Variants in SNX13 observed in about 807,000 individuals in gnomAD.
SNX13 encodes sorting nexin 13, also known as sorting nexin-13.
In SNX13, 45 loss-of-function variants were observed where a neutral mutation model predicts 133.6. The observed-to-expected ratio is 0.34, with a 90% CI of 0.27 to 0.43. The LOEUF (loss-of-function observed/expected upper bound fraction) is 0.43, where lower values mean the gene tolerates loss of function less well. SNX13 is among the 20% of genes least tolerant of loss of function. The pLI is 1.00. For synonymous variants in SNX13, 414 were observed against 373.9 expected (o/e 1.11, Z -1.24); for missense variants, 1,032 against 1,145.1 (o/e 0.90, Z 1.43).
In SNX13 at chr7:17,834,803, A is replaced by G; in HGVS notation, c.1422T>C (p.His474=). The change falls in exon 14 of 26, where the codon CAT becomes CAC. Residue 474 remains histidine, a synonymous_variant. Coordinates refer to ENST00000428135, the MANE Select transcript of SNX13 (RefSeq NM_015132.5). ...LVAKLADTLN[H]EDPTPEIFDD... ...CAAAGATTTCAGGGGTTGGATCTTC[A>G]TGATTCAAAGTATCTGCTAATTTTG... is the stretch of plus-strand genomic sequence containing the variant. 1 of 1,610,166 alleles carries G rather than the reference A, an allele frequency of 6.2e-7. No individual in the cohort carries two copies.
At chr7:17,845,511 A>G (rs930159582) in intron 12 of SNX13, 84 bp downstream of exon 12, 1 of 816,012 alleles carries the variant, frequency 1.2e-6, no homozygotes, top group Non-Finnish European at 1.9e-6. Flanking sequence ...TAGTTGAGAT[A>G]CTAAATTTTA....
At chr7:17,850,759 TAATC>T (rs1265116009) in intron 10 of SNX13, 63 bp downstream of exon 10, 3 of 1,255,304 alleles carry the variant, frequency 2.4e-6, no homozygotes, top group Non-Finnish European at 3.2e-6. Context: ...TTAGGTAAAT[TAATC>T]AAAGTTTTGA....
chr7:17,915,634 T>C (rs1156347175), intron 1 of SNX13, among the ~76,000 whole-genome samples: 2 of 152,080 alleles, frequency 1.3e-5, no homozygotes, highest in African/African-American at 4.8e-5. Context: ...TGTCTGTCTC[T>C]CTCTCTCGTC....
intron 20 of SNX13, among the ~76,000 whole-genome samples, chr7:17,813,055 T>A (rs966805536): frequency 6.6e-6 from 1 of 152,092 alleles, no homozygotes; most frequent in African/African-American, 2.4e-5. Flanking sequence ...CCATGGCACA[T>A]GTATACCTAT....
At chr7:17,831,794 T>C in intron 15 of SNX13, 1 of 982,956 alleles carries the variant, frequency 1.0e-6, no homozygotes, top group South Asian at 4.7e-5. Context: ...ACAAAAAAAG[T>C]GGAAAGGCCT....
chr7:17,899,014 C>T (rs563385147), intron 1 of SNX13: 1 of 152,302 alleles, frequency 6.6e-6, no homozygotes, highest in South Asian at 2.1e-4. Flanking sequence ...CAGAAGTGTC[C>T]TCTGACTTCC....
At chr7:17,859,225 G>A (rs1358256289) in intron 9 of SNX13, among the ~76,000 whole-genome samples, 2 of 151,840 alleles carry the variant, frequency 1.3e-5, no homozygotes, top group African/African-American at 2.4e-5. Flanking sequence ...TAGAATATAC[G>A]AAGCATTCTT....
intron 2 of SNX13, among the ~76,000 whole-genome samples, chr7:17,896,795 C>G (rs1797260495): frequency 2.0e-5 from 3 of 152,042 alleles, no homozygotes; most frequent in South Asian, 4.1e-4. Flanking sequence ...ATGACTGAAA[C>G]CTCTCTTGTA....
chr7:17,805,116 T>C (rs1047061632), intron 20 of SNX13, among the ~76,000 whole-genome samples: 2 of 151,472 alleles, frequency 1.3e-5, no homozygotes, highest in Non-Finnish European at 2.9e-5. Flanking sequence ...GAACAGAAAC[T>C]GGCTTGAATA....
Position 17,794,018 on chromosome 7 carries a change from T to C in SNX13, c.*27A>G. The C allele has an allele frequency of 6.2e-7, 1 of 1,606,242 alleles. No individual in the cohort carries two copies. Among genetic ancestry groups the C allele is most frequent in the African/African-American group, 1.3e-5 (1 of 74,656 alleles). ...TCCATACCATTAGTCCTGGACAAAA[T>C]GAACACCAGCTTCATAGAGTGGAGT... On this transcript the variant is annotated 3_prime_UTR_variant, in exon 26 of 26. Transcript: ENST00000428135.
intron 1 of SNX13, among the ~76,000 whole-genome samples, chr7:17,909,403 A>G (rs1026790988): frequency 6.6e-6 from 1 of 152,244 alleles, no homozygotes; most frequent in Non-Finnish European, 1.5e-5. Context: ...ATGCACATGT[A>G]TGTTCACTAC....
intron 1 of SNX13, among the ~76,000 whole-genome samples, chr7:17,937,089 A>C (rs1489997134): frequency 6.6e-6 from 1 of 151,528 alleles, no homozygotes; most frequent in Non-Finnish European, 1.5e-5. Flanking sequence ...AAAAAAAAAA[A>C]ATACATACAT....
chr7:17,826,024 G>A lies in SNX13; in HGVS notation c.1703C>T (p.Thr568Ile). The A allele has an allele frequency of 6.5e-7, 1 of 1,536,944 alleles. No individual in the cohort carries two copies. The highest frequency in any genetic ancestry group is 8.8e-7 in the Non-Finnish European group (1 of 1,134,810). The change falls in exon 17 of 26, where the codon ACA becomes ATA. Residue 568 changes from threonine (T) to isoleucine (I), a missense_variant and splice_region_variant. Transcript: ENST00000428135. ...AATTATACTTCAAACTCTCTTACCT[G>A]TGTCTGAAATGTAGGCATGAAGTTG... is the stretch of plus-strand genomic sequence containing the variant. ...SVQLHAYISD[T>I]GVCNDHGKTY...
intron 1 of SNX13, among the ~76,000 whole-genome samples, chr7:17,912,656 C>T (rs1799113457): frequency 6.6e-6 from 1 of 152,160 alleles, no homozygotes; most frequent in Non-Finnish European, 1.5e-5. Context: ...AAGTCATCCA[C>T]CTGCCTTGGC....
chr7:17,902,254 T>G (rs1000680658), intron 1 of SNX13, among the ~76,000 whole-genome samples: 1 of 151,258 alleles, frequency 6.6e-6, no homozygotes, highest in African/African-American at 2.4e-5. Context: ...TTTTTTTTTT[T>G]TTTTTTTTTT....
intron 1 of SNX13, among the ~76,000 whole-genome samples, chr7:17,908,501 A>C (rs1798622070): frequency 6.6e-6 from 1 of 152,168 alleles, no homozygotes. Context: ...GTTATCTCCC[A>C]TGAAGCAAAC....
chr7:17,872,568 G>A (rs377660823), intron 8 of SNX13, among the ~76,000 whole-genome samples: 2 of 152,092 alleles, frequency 1.3e-5, no homozygotes, highest in African/African-American at 4.8e-5. Context: ...AATGTATCAG[G>A]CTCCTCCCAT....
intron 20 of SNX13, among the ~76,000 whole-genome samples, chr7:17,808,190 C>G (rs1321562233): frequency 1.3e-5 from 2 of 151,916 alleles, no homozygotes; most frequent in Non-Finnish European, 2.9e-5. Flanking sequence ...TAACCCAATG[C>G]GAGGAAACTA....
chr7:17,899,784 G>A (rs1797613758), intron 1 of SNX13: 1 of 152,026 alleles, frequency 6.6e-6, no homozygotes, highest in Non-Finnish European at 1.5e-5. Flanking sequence ...ACATATCTCT[G>A]TCTCCAGGAT....
Sources: allele counts gnomAD v4.1 joint callset (sites outside exome capture counted in the v4.1 genomes callset), GRCh38; gene constraint gnomAD v4.1.1; transcripts MANE v1.5; gene names NCBI Gene and HGNC (gene_info 2026-07-23, HGNC 2026-07-21).